The following TUBB8B variants were observed in gnomAD, a reference collection of about 807,000 sequenced individuals.
TUBB8B encodes tubulin beta 8B.
In TUBB8B, 26 loss-of-function variants were observed where a neutral mutation model predicts 31.9. That is an observed-to-expected ratio of 0.81 (90% CI 0.60 to 1.13). The LOEUF (loss-of-function observed/expected upper bound fraction) is 1.13. Among genes scored for constraint, TUBB8B ranks in the 50% most tolerant of loss-of-function variants. The pLI is 0.00. For synonymous variants in TUBB8B, 173 were observed against 231.0 expected, an observed-to-expected ratio of 0.75 and a Z score of 2.28; for missense variants, 467 against 586.7, an observed-to-expected ratio of 0.80 and a Z score of 2.11.
the TUBB8B span, among the ~76,000 whole-genome samples, chr18:73,110 C>T: frequency 6.6e-6 from 1 of 151,746 alleles, no homozygotes; most frequent in Admixed American, 6.5e-5. Context: ...GTACCAGGGT[C>T]TCTCCCCGTA....
chr18:64,995 T>G, the TUBB8B span, among the ~76,000 whole-genome samples: 2 of 152,096 alleles, frequency 1.3e-5, no homozygotes, highest in Non-Finnish European at 2.9e-5. Context: ...TCTAGTATAA[T>G]TATTCAATTA....
chr18:66,101 T>A, the TUBB8B span, among the ~76,000 whole-genome samples: 5 of 152,108 alleles, frequency 3.3e-5, no homozygotes, highest in East Asian at 1.9e-4. Context: ...TGATGGTGCA[T>A]ATCTGTAGTC....
At chr18:53,647 T>G (rs539041302), upstream of TUBB8B, among the ~76,000 whole-genome samples, 2 of 151,888 alleles carry the variant, frequency 1.3e-5, no homozygotes, top group African/African-American at 4.8e-5. Flanking sequence ...TTTTGTATCT[T>G]TAGTAGAAAT....
the TUBB8B span, among the ~76,000 whole-genome samples, chr18:66,334 T>C: frequency 6.6e-6 from 1 of 152,170 alleles, no homozygotes; most frequent in African/African-American, 2.4e-5. Context: ...GGAGGATCAC[T>C]TGAGAACAGG....
the TUBB8B span, among the ~76,000 whole-genome samples, chr18:67,357 T>G: frequency 2.0e-5 from 3 of 152,052 alleles, no homozygotes; most frequent in Admixed American, 2.0e-4. Context: ...CTGTTGATTG[T>G]TTTTTGAGAG....
At chr18:56,412 G>A in the TUBB8B span, among the ~76,000 whole-genome samples, 1 of 151,736 alleles carries the variant, frequency 6.6e-6, no homozygotes, top group Non-Finnish European at 1.5e-5. Flanking sequence ...GCTTTGGATT[G>A]TATGGACATT....
chr18:72,954 A>G, the TUBB8B span, among the ~76,000 whole-genome samples: 1 of 152,094 alleles, frequency 6.6e-6, no homozygotes. Context: ...GAAACGAGCG[A>G]AAGTCCGTCT....
chr18:49,985 C>A, upstream of TUBB8B: 1 of 443,304 alleles, frequency 2.3e-6, no homozygotes, highest in Non-Finnish European at 4.5e-6. Context: ...ATTAGGAGAT[C>A]TGTGGTTAGG....
chr18:72,196 A>AAAAAAAAAAAAAAAAAAAAAAAAC, the TUBB8B span, among the ~76,000 whole-genome samples: 273 of 84,392 alleles, frequency 3.2e-3, 35 homozygotes, highest in East Asian at 0.036. Context: ...AAAAAAAAAA[A>AAAAAAAAAAAAAAAAAAAAAAAAC]AAAGGAAAAA....
the TUBB8B span, among the ~76,000 whole-genome samples, chr18:57,648 G>A: frequency 6.6e-6 from 1 of 151,776 alleles, no homozygotes; most frequent in Non-Finnish European, 1.5e-5. Context: ...GGGATCTGTA[G>A]GACAGTGATC....
chr18:67,508 C>A, the TUBB8B span, among the ~76,000 whole-genome samples: 1 of 152,132 alleles, frequency 6.6e-6, no homozygotes, highest in Non-Finnish European at 1.5e-5. Flanking sequence ...AACCAGTTAA[C>A]TTTTTAATAT....
the TUBB8B span, among the ~76,000 whole-genome samples, chr18:67,076 A>G: frequency 2.0e-5 from 3 of 150,742 alleles, no homozygotes; most frequent in Non-Finnish European, 4.4e-5. Flanking sequence ...GCTCACTGCA[A>G]CCTCTGCCTC....
the TUBB8B span, among the ~76,000 whole-genome samples, chr18:56,049 ATGGCT>A: frequency 6.6e-6 from 1 of 151,798 alleles, no homozygotes; most frequent in East Asian, 1.9e-4. Context: ...TCTTCTGCCT[ATGGCT>A]TGCCAGTTTT....
the TUBB8B span, among the ~76,000 whole-genome samples, chr18:70,504 C>T: frequency 1.3e-4 from 20 of 152,236 alleles, no homozygotes; most frequent in Non-Finnish European, 2.2e-4. Flanking sequence ...GGCATCATGG[C>T]GCACACTTGT....
the TUBB8B span, among the ~76,000 whole-genome samples, chr18:63,799 GCTAACCCTAACCC>G: frequency 2.4e-5 from 3 of 122,778 alleles, no homozygotes; most frequent in African/African-American, 6.3e-5. Flanking sequence ...TAACCGTTAC[GCTAACCCTAACCC>G]CTAACCCTAA....
At chr18:59,510 A>C in the TUBB8B span, among the ~76,000 whole-genome samples, 1 of 150,484 alleles carries the variant, frequency 6.6e-6, no homozygotes, top group Non-Finnish European at 1.5e-5. Flanking sequence ...ATTTTTTAGC[A>C]TAATGGAAAT....
At chr18:61,697 G>A in the TUBB8B span, among the ~76,000 whole-genome samples, 1 of 150,974 alleles carries the variant, frequency 6.6e-6, no homozygotes, top group Non-Finnish European at 1.5e-5. Context: ...AACATTGATT[G>A]CATAAACAAA....
the TUBB8B span, among the ~76,000 whole-genome samples, chr18:65,392 CT>C: frequency 6.6e-6 from 1 of 152,134 alleles, no homozygotes; most frequent in African/African-American, 2.4e-5. Context: ...TCACTACATC[CT>C]TTTCTCAGAA....
At chr18:55,357 C>A in the TUBB8B span, among the ~76,000 whole-genome samples, 1 of 151,904 alleles carries the variant, frequency 6.6e-6, no homozygotes, top group African/African-American at 2.4e-5. Flanking sequence ...CCACAGCCTC[C>A]CAGAGTGCTG....
Sources: allele counts gnomAD v4.1 joint callset (sites outside exome capture counted in the v4.1 genomes callset), GRCh38; gene constraint gnomAD v4.1.1; transcripts MANE v1.5; gene names NCBI Gene and HGNC (gene_info 2026-07-23, HGNC 2026-07-21).